Variants in TGM4 observed in about 807,000 individuals in gnomAD.
TGM4 encodes transglutaminase 4, also known as protein-glutamine gamma-glutamyltransferase 4.
Under a neutral mutation model 76.3 loss-of-function variants are expected in TGM4, and 61 were observed. That is an observed-to-expected ratio of 0.80 (90% CI 0.65 to 0.99). The LOEUF is 0.99. Among genes scored for constraint, TGM4 ranks in the 50% least tolerant of loss-of-function variants. TGM4 has a pLI of 0.00. For synonymous variants in TGM4, 337 were observed against 329.8 expected, an observed-to-expected ratio of 1.02 and a Z score of -0.24; for missense variants, 794 against 843.2, an observed-to-expected ratio of 0.94 and a Z score of 0.72.
intron 10 of TGM4, 90 bp from the exon 11 acceptor site, chr3:44,909,999 AG>A (rs1699977703): frequency 6.8e-7 from 1 of 1,461,272 alleles, no homozygotes. Flanking sequence ...AGTCCTGGCC[AG>A]GCAGATGGTC....
At chr3:44,898,099 G>A (rs746372536) in intron 6 of TGM4, among the ~76,000 whole-genome samples, 1 of 152,110 alleles carries the variant, frequency 6.6e-6, no homozygotes, top group Non-Finnish European at 1.5e-5. Flanking sequence ...GGCTAACATG[G>A]TGAAACCCCA....
chr3:44,876,876 T>C (rs577028740), intron 1 of TGM4, among the ~76,000 whole-genome samples: 1 of 152,164 alleles, frequency 6.6e-6, no homozygotes, highest in Non-Finnish European at 1.5e-5. Flanking sequence ...CTCAGATCTA[T>C]AAGAAAATGA....
Position 44,911,115 on chromosome 3 carries a change from G to C in TGM4, c.1764G>C (p.Glu588Asp). ...TATTCACGTCTTTCCAGTACCCTGA[G>C]TTCTCTATAGAGGTGAGCTTCCTGC... ...SEVFTSFQYP[E>D]FSIELPNTGR... is the part of the protein sequence containing the mutation. The change falls in exon 12 of 14, where the codon GAG becomes GAC. Residue 588 changes from glutamate (E) to aspartate (D), a missense_variant. By Grantham distance (45) the Glu-to-Asp change is conservative. Coordinates refer to ENST00000296125, the MANE Select transcript of TGM4 (RefSeq NM_003241.4). The C allele has an allele frequency of 6.2e-7, 1 of 1,614,180 alleles. No homozygotes were observed. Among genetic ancestry groups the C allele is most frequent in the Non-Finnish European group, 8.5e-7 (1 of 1,180,032 alleles).
intron 8 of TGM4, 110 bp from the exon 9 acceptor site, chr3:44,903,774 A>G (rs1472112542): frequency 9.9e-7 from 1 of 1,013,172 alleles, no homozygotes; most frequent in Non-Finnish European, 1.6e-6. Flanking sequence ...CCCTGAGAAC[A>G]ACCTCAGTGG....
chr3:44,907,275 T>A, intron 10 of TGM4, 75 bp downstream of exon 10: 1 of 1,368,934 alleles, frequency 7.3e-7, no homozygotes, highest in Non-Finnish European at 9.7e-7. Flanking sequence ...AGATTGGGGG[T>A]GGGCCTGGGC....
intron 12 of TGM4, 45 bp from the exon 13 acceptor site, chr3:44,911,225 C>T (rs1289994842): frequency 6.2e-7 from 1 of 1,612,014 alleles, no homozygotes; most frequent in East Asian, 2.2e-5. Flanking sequence ...TTGGTTGGCT[C>T]ATGCATATCT....
At chr3:44,893,516 G>A (rs200579178) in intron 4 of TGM4, 61 bp from the exon 5 acceptor site, 2 of 1,457,198 alleles carry the variant, frequency 1.4e-6, no homozygotes, top group Non-Finnish European at 1.9e-6. Flanking sequence ...GTCCCCATTG[G>A]CAAGCCTGCT....
chr3:44,906,990 A>G lies in TGM4; in HGVS notation c.1117A>G (p.Lys373Glu), dbSNP rs370850255. ...GCCATCACCACTGACCGCCATCCGC[A>G]AAGGTGACATCTTTATTGTCTATGA... is the stretch of plus-strand genomic sequence containing the variant. ...CGPSPLTAIR[K>E]GDIFIVYDTR... The change falls in exon 10 of 14, where the codon AAA becomes GAA. Residue 373 changes from lysine to glutamate, a missense_variant. Coordinates refer to ENST00000296125, the MANE Select transcript of TGM4 (RefSeq NM_003241.4). 4 of 1,614,016 alleles carry G rather than the reference A, an allele frequency of 2.5e-6. No individual in the cohort carries two copies. In the African/African-American group the frequency reaches 4.0e-5, roughly 16 times the overall value.
In TGM4 at chr3:44,896,721, G is replaced by T. The variant is rs1259017545; in HGVS notation, c.562G>T (p.Val188Phe). 1 of 1,614,114 alleles carries T rather than the reference G, an allele frequency of 6.2e-7. No individual in the cohort carries two copies. The highest frequency in any genetic ancestry group is 2.2e-5 in the East Asian group (1 of 44,876). Reference protein sequence around the residue: ...PWNFGQFEKNVLDCCISLLTE... With the variant: ...PWNFGQFEKNFLDCCISLLTE... ...TTTCCCAAAATAGTTTGAGAAAAAT[G>T]TCCTGGACTGCTGCATTTCCCTGCT... The change falls in exon 6 of 14, where the codon GTC (valine) becomes TTC (phenylalanine). Residue 188 changes from valine (V) to phenylalanine (F), a missense_variant. Physicochemically the swap from Val to Phe is conservative, Grantham distance 50. Coordinates refer to ENST00000296125, the MANE Select transcript of TGM4 (RefSeq NM_003241.4).
chr3:44,887,786 T>C lies in TGM4; in HGVS notation c.291T>C (p.Ser97=), dbSNP rs747896560. 6.2e-7 allele frequency: 1 copy of C among 1,614,164 alleles called. No individual in the cohort carries two copies. Among genetic ancestry groups the C allele is most frequent in the South Asian group, 1.1e-5 (1 of 91,086 alleles). Residue 97 remains serine (S), a synonymous_variant, in exon 3 of 14, where the codon TCT becomes TCC. Coordinates refer to ENST00000296125, the MANE Select transcript of TGM4 (RefSeq NM_003241.4). ...YNWQATLQNE[S]GKEVTVAVTS... ...GGCAGGCAACCCTTCAAAATGAGTC[T>C]GGCAAAGAGGTGAGCACCCACTGGG...
At chr3:44,902,919 C>T (rs559080623) in intron 8 of TGM4, among the ~76,000 whole-genome samples, 2 of 152,192 alleles carry the variant, frequency 1.3e-5, no homozygotes, top group Non-Finnish European at 2.9e-5. Flanking sequence ...TACAAATTCC[C>T]GAGGCATTTC....
intron 1 of TGM4, among the ~76,000 whole-genome samples, chr3:44,880,530 A>G (rs1289773524): frequency 6.6e-6 from 1 of 152,152 alleles, no homozygotes; most frequent in African/African-American, 2.4e-5. Context: ...TCAGGCAGCA[A>G]TATGGACACT....
Position 44,890,736 on chromosome 3 carries a change from C to T in TGM4, c.430+4C>T, listed in dbSNP as rs2125751718. 1 of 1,613,684 alleles carries T rather than the reference C, an allele frequency of 6.2e-7. No homozygotes were observed. Among genetic ancestry groups the T allele is most frequent in the Non-Finnish European group, 8.5e-7 (1 of 1,179,706 alleles). On this transcript the variant is annotated splice_donor_region_variant and intron_variant, in intron 4 of 13. Coordinates refer to ENST00000296125, the MANE Select transcript of TGM4 (RefSeq NM_003241.4). ...CTCTTCAACCCATGGTGTAAAGGTA[C>T]TGTGAATCTCAGGTCTGCTGGGGAA... is the stretch of plus-strand genomic sequence containing the variant.
intron 9 of TGM4, among the ~76,000 whole-genome samples, chr3:44,905,894 G>A (rs1458106145): frequency 6.6e-6 from 1 of 152,184 alleles, no homozygotes; most frequent in South Asian, 2.1e-4. Flanking sequence ...TTCCATCCAG[G>A]GAGTCTAAGT....
chr3:44,901,063 A>C (rs1226888562), intron 6 of TGM4: 1 of 160,974 alleles, frequency 6.2e-6, no homozygotes. Flanking sequence ...ACATGGTGAA[A>C]CCCTGCCTCT....
At chr3:44,887,617 G>C in intron 2 of TGM4, 72 bp from the exon 3 acceptor site, 1 of 1,422,356 alleles carries the variant, frequency 7.0e-7, no homozygotes, top group Non-Finnish European at 9.7e-7. Flanking sequence ...GCAGTAGGTG[G>C]GCCCGAACCA....
intron 12 of TGM4, 57 bp from the exon 13 acceptor site, chr3:44,911,213 C>T (rs927543121): frequency 3.7e-6 from 6 of 1,611,080 alleles, no homozygotes; most frequent in Middle Eastern, 1.7e-4. Flanking sequence ...CCCTGAGGGT[C>T]CTTGGTTGGC....
chr3:44,897,469 C>A (rs1317892980), intron 6 of TGM4, among the ~76,000 whole-genome samples: 1 of 152,204 alleles, frequency 6.6e-6, no homozygotes, highest in Non-Finnish European at 1.5e-5. Context: ...GGTGAGCAAA[C>A]TGTTGCAGTT....
intron 1 of TGM4, among the ~76,000 whole-genome samples, chr3:44,881,050 AC>A (rs990823243): frequency 6.6e-6 from 1 of 151,948 alleles, no homozygotes; most frequent in Non-Finnish European, 1.5e-5. Context: ...AGACTTCATC[AC>A]CACTATGAAG....
Sources: allele counts gnomAD v4.1 joint callset (sites outside exome capture counted in the v4.1 genomes callset), GRCh38; gene constraint gnomAD v4.1.1; transcripts MANE v1.5; gene names NCBI Gene and HGNC (gene_info 2026-07-23, HGNC 2026-07-21).